Variants in TMEM102 observed in about 807,000 individuals in gnomAD.
The protein encoded by TMEM102 is DANGER family member 2B.
TMEM102 carries 28 observed loss-of-function variants against 26.8 expected under a neutral mutation model. That is an observed-to-expected ratio of 1.05 (90% confidence interval 0.77 to 1.43). TMEM102 has a LOEUF of 1.43. Among genes scored for constraint, TMEM102 ranks in the 40% most tolerant of loss-of-function variants. The pLI, the probability that TMEM102 is intolerant of heterozygous loss-of-function variation, is 0.00. For missense variants in TMEM102, 677 were observed against 705.6 expected, an observed-to-expected ratio of 0.96 and a Z score of 0.46; for synonymous variants, 306 against 332.1, an observed-to-expected ratio of 0.92 and a Z score of 0.86.
Position 7,436,728 on chromosome 17 carries a change from A to G in TMEM102, c.749A>G (p.Lys250Arg). Residue 250 changes from lysine (K) to arginine (R), a missense_variant, in exon 3 of 3, where the codon AAG becomes AGG. By Grantham distance (26) the Lys-to-Arg change is conservative. Coordinates refer to ENST00000323206, the MANE Select transcript of TMEM102 (RefSeq NM_178518.3). ...TKAAVESPVP[K>R]PSEAREAWPT... ...GCAGCCGTCGAAAGCCCAGTCCCAA[A>G]GCCGTCGGAGGCTCGGGAAGCGTGG... 1 of 1,613,840 alleles carries G rather than the reference A, an allele frequency of 6.2e-7. No individual in the cohort carries two copies. The highest frequency in any genetic ancestry group is 8.5e-7 in the Non-Finnish European group (1 of 1,180,030).
In TMEM102 at chr17:7,437,188, G is replaced by C; in HGVS notation, c.1209G>C (p.Ala403=). The change falls in exon 3 of 3, where the codon GCG becomes GCC. Residue 403 remains alanine, a synonymous_variant. Transcript: ENST00000323206. The surrounding 1 kb of genome is among the most constrained non-coding windows in gnomAD (Gnocchi z 4.2). ...CGCTGGTGGCCGGGACCCGGGCGGC[G>C]GCGCCCTACCTCCTGCGGACGCTGC... ...LRPLVAGTRA[A]APYLLRTLLY... 3 of 1,494,722 alleles carry C rather than the reference G, an allele frequency of 2.0e-6. No homozygotes were observed. The highest frequency in any genetic ancestry group is 4.7e-5 in the Admixed American group (2 of 42,140). The allele number at this position is 1,494,722 out of a possible 1,614,324, so 92.6% of individuals were successfully genotyped here.
In TMEM102 at chr17:7,435,956, T is replaced by A. The variant is rs1907995519; in HGVS notation, c.85T>A (p.Cys29Ser). The A allele has an allele frequency of 6.2e-7, 1 of 1,613,066 alleles. No individual in the cohort carries two copies. The highest frequency in any genetic ancestry group is 8.5e-7 in the Non-Finnish European group (1 of 1,179,938). The change falls in exon 2 of 3, where the codon TGC (cysteine) becomes AGC (serine). Residue 29 changes from cysteine to serine, a missense_variant. Cys to Ser is a moderately radical substitution (Grantham distance 112). Coordinates refer to ENST00000323206, the MANE Select transcript of TMEM102 (RefSeq NM_178518.3). ...TCGGCCGCTCACGGACATCGACTTC[T>A]GCTCCGGGGCGCAGCTGCAGGAATT... The part of the protein sequence containing the change: ...PARPLTDIDF[C>S]SGAQLQELTQ...
chr17:7,437,200 C>G lies in TMEM102; in HGVS notation c.1221C>G (p.Leu407=), dbSNP rs1671177734. Residue 407 remains leucine, a synonymous_variant, in exon 3 of 3, where the codon CTC becomes CTG. Coordinates refer to ENST00000323206, the MANE Select transcript of TMEM102 (RefSeq NM_178518.3). This position sits in a 1 kb window ranked among gnomAD's most constrained non-coding sequence, Gnocchi z 4.2. ...GGACCCGGGCGGCGGCGCCCTACCTCCTGCGGACGCTGCTGTACTGGGCGT... is the reference window on the plus strand; with the variant it reads ...GGACCCGGGCGGCGGCGCCCTACCTGCTGCGGACGCTGCTGTACTGGGCGT... ...VAGTRAAAPY[L]LRTLLYWACE... is the part of the protein sequence containing the mutation. 1 of 1,505,162 alleles carries G rather than the reference C, an allele frequency of 6.6e-7. No homozygotes were observed. The highest frequency in any genetic ancestry group is 1.5e-5 in the African/African-American group (1 of 68,484). The allele number at this position is 1,505,162 out of a possible 1,614,324, so 93.2% of individuals were successfully genotyped here.
In TMEM102 at chr17:7,437,268, C is replaced by A. The variant is rs375215322; in HGVS notation, c.1289C>A (p.Ala430Glu). 5.2e-6 allele frequency: 8 copies of A among 1,533,324 alleles called. No homozygotes were observed. Among genetic ancestry groups the A allele is most frequent in the Non-Finnish European group, 7.0e-6 (8 of 1,143,998 alleles). The allele number at this position is 1,533,324 out of a possible 1,614,324, so 95.0% of individuals were successfully genotyped here. ...CTCTACCTGGCGCGGCCAGAAAATG[C>A]GGGCGCCTGCTGCCTCGGGCTGCTA... ...PALYLARPEN[A>E]GACCLGLLDE... The change falls in exon 3 of 3, where the codon GCG (alanine) becomes GAG (glutamate). Residue 430 changes from alanine to glutamate, a missense_variant. Transcript: ENST00000323206. The surrounding 1 kb of genome is among the most constrained non-coding windows in gnomAD (Gnocchi z 4.2).
rs1005457835 is a variant in TMEM102 at position 7,437,616 on chromosome 17, C to G, written c.*110C>G. The G allele has an allele frequency of 8.6e-6, 7 of 817,678 alleles. No homozygotes were observed. Among genetic ancestry groups the G allele is most frequent in the African/African-American group, 1.8e-5 (1 of 55,726 alleles). 50.7% of individuals were successfully genotyped at this position (817,678 alleles called of 1,614,324 possible). On this transcript the variant is annotated 3_prime_UTR_variant, in exon 3 of 3. Transcript: ENST00000323206. This position sits in a 1 kb window ranked among gnomAD's most constrained non-coding sequence, Gnocchi z 4.2. ...CTGTGTGCCCTGGGCCTGAAGCCCCCCTTCTGGAAGACCTCCCTGTTGGTT... is the reference window on the plus strand; with the variant it reads ...CTGTGTGCCCTGGGCCTGAAGCCCCGCTTCTGGAAGACCTCCCTGTTGGTT...
In TMEM102 at chr17:7,436,096, C is replaced by CT. The variant is rs1189638405; in HGVS notation, c.214+12dup. 1 of 1,611,560 alleles carries CT rather than the reference C, an allele frequency of 6.2e-7. No homozygotes were observed. Among genetic ancestry groups the CT allele is most frequent in the Non-Finnish European group, 8.5e-7 (1 of 1,178,286 alleles). On this transcript the variant is annotated intron_variant, in intron 2 of 2. Transcript: ENST00000323206. ...TCTTCTCTTTGCTTGGTAAGTAACC[C>CT]TACTTGCCTTTGGGAACTCACAGCT...
In TMEM102 at chr17:7,436,018, CT is replaced by C; in HGVS notation, c.148del (p.Trp50GlyfsTer24). On this transcript the variant is annotated frameshift_variant, in exon 2 of 3. Transcript: ENST00000323206. LOFTEE classifies it high-confidence loss of function. The part of the protein sequence containing the change: ...LIQELGVQES[W>X]SDGPKPGADL... ...TCCAGGAGCTGGGTGTGCAGGAGAGCTGGAGTGACGGGCCCAAGCCGGGAGC... is the reference window on the plus strand; with the variant it reads ...TCCAGGAGCTGGGTGTGCAGGAGAGCGGAGTGACGGGCCCAAGCCGGGAGC... The C allele has an allele frequency of 6.2e-7, 1 of 1,613,598 alleles. No homozygotes were observed. Among genetic ancestry groups the C allele is most frequent in the Non-Finnish European group, 8.5e-7 (1 of 1,180,038 alleles).
chr17:7,436,855 C>G lies in TMEM102; in HGVS notation c.876C>G (p.His292Gln). ...IPVPGAPRLV[H>Q]AARHAGFTTV... is the part of the protein sequence containing the mutation. ...TCCCGGGTGCTCCGCGTCTGGTGCACGCAGCTCGCCACGCGGGTTTCACCA... is the reference window on the plus strand; with the variant it reads ...TCCCGGGTGCTCCGCGTCTGGTGCAGGCAGCTCGCCACGCGGGTTTCACCA... Residue 292 changes from histidine to glutamine, a missense_variant, in exon 3 of 3, where the codon CAC (histidine) becomes CAG (glutamine). Transcript: ENST00000323206. The G allele has an allele frequency of 6.2e-7, 1 of 1,612,564 alleles. No individual in the cohort carries two copies. The highest frequency in any genetic ancestry group is 1.1e-5 in the South Asian group (1 of 91,078).
At chr17:7,435,733 C>A (rs2150829862) in intron 1 of TMEM102, 37 bp downstream of exon 1, 1 of 726,938 alleles carries the variant, frequency 1.4e-6, no homozygotes, top group East Asian at 2.5e-5. Context: ...AAATTTAGAA[C>A]CCATCATCTA....
In TMEM102 at chr17:7,437,307, G is replaced by T. The variant is rs1034059701; in HGVS notation, c.1328G>T (p.Arg443Leu). 1.9e-6 allele frequency: 3 copies of T among 1,551,674 alleles called. No individual in the cohort carries two copies. Among genetic ancestry groups the T allele is most frequent in the Non-Finnish European group, 2.6e-6 (3 of 1,153,750 alleles). The change falls in exon 3 of 3, where the codon CGA becomes CTA. Residue 443 changes from arginine (R) to leucine (L), a missense_variant. Coordinates refer to ENST00000323206, the MANE Select transcript of TMEM102 (RefSeq NM_178518.3). This position sits in a 1 kb window ranked among gnomAD's most constrained non-coding sequence, Gnocchi z 4.2. Reference sequence around the variant, plus strand: ...CTCGGGCTGCTAGACGAGCTCGGCCGAGTGCTCGAGGCCGGGACGTTGCCT... The same window carrying T: ...CTCGGGCTGCTAGACGAGCTCGGCCTAGTGCTCGAGGCCGGGACGTTGCCT... ...CCLGLLDELGRVLEAGTLPHY... is the reference protein window; with the variant it reads ...CCLGLLDELGLVLEAGTLPHY...
In TMEM102 at chr17:7,436,632, C is replaced by T. The variant is rs1030698221; in HGVS notation, c.653C>T (p.Ser218Leu). The change falls in exon 3 of 3, where the codon TCG becomes TTG. Residue 218 changes from serine (S) to leucine (L), a missense_variant. Physicochemically the swap from Ser to Leu is moderately radical, Grantham distance 145. Transcript: ENST00000323206. Reference protein sequence around the residue: ...KSPSDVSASESPQHDVVDLGS... With the variant: ...KSPSDVSASELPQHDVVDLGS... Reference sequence around the variant, plus strand: ...CCTAGTGACGTTTCAGCGTCCGAGTCGCCTCAGCATGACGTCGTCGACCTT... The same window carrying T: ...CCTAGTGACGTTTCAGCGTCCGAGTTGCCTCAGCATGACGTCGTCGACCTT... 3 of 1,613,926 alleles carry T rather than the reference C, an allele frequency of 1.9e-6. No individual in the cohort carries two copies.
At position 7,436,209 on chromosome 17, in the gene TMEM102, G is replaced by A. The variant is rs1292058196; in HGVS notation, c.230G>A (p.Arg77Gln). Residue 77 changes from arginine (R) to glutamine (Q), a missense_variant, in exon 3 of 3, where the codon CGG becomes CAG. Physicochemically the swap from Arg to Gln is conservative, Grantham distance 43. Coordinates refer to ENST00000323206, the MANE Select transcript of TMEM102 (RefSeq NM_178518.3). Reference protein sequence around the residue: ...VFSLLGLVHRRDPRFPPQAEL... With the variant: ...VFSLLGLVHRQDPRFPPQAEL... Reference sequence around the variant, plus strand: ...CTTTTTTTAGGTCTAGTTCACCGCCGGGACCCTCGCTTTCCTCCCCAGGCA... The same window carrying A: ...CTTTTTTTAGGTCTAGTTCACCGCCAGGACCCTCGCTTTCCTCCCCAGGCA... The A allele has an allele frequency of 5.0e-6, 8 of 1,610,952 alleles. No individual in the cohort carries two copies. Among genetic ancestry groups the A allele is most frequent in the South Asian group, 1.1e-5 (1 of 91,016 alleles).
Position 7,436,081 on chromosome 17 carries a change from G to A in TMEM102, c.210G>A (p.Leu70=), listed in dbSNP as rs1258027875. 2.5e-6 allele frequency: 4 copies of A among 1,613,456 alleles called. No individual in the cohort carries two copies. The highest frequency in any genetic ancestry group is 3.4e-6 in the Non-Finnish European group (4 of 1,179,892). The change falls in exon 2 of 3, where the codon TTG becomes TTA. Residue 70 remains leucine (L), a synonymous_variant. Coordinates refer to ENST00000323206, the MANE Select transcript of TMEM102 (RefSeq NM_178518.3). ...GGGCCAAGGACTTTGTCTTCTCTTT[G>A]CTTGGTAAGTAACCCTACTTGCCTT... ...LLRAKDFVFS[L]LGLVHRRDPR... is the part of the protein sequence containing the mutation.
chr17:7,437,331 C>T lies in TMEM102; in HGVS notation c.1352C>T (p.Pro451Leu). 1.3e-6 allele frequency: 2 copies of T among 1,568,838 alleles called. No individual in the cohort carries two copies. Among genetic ancestry groups the T allele is most frequent in the Non-Finnish European group, 8.6e-7 (1 of 1,159,796 alleles). ...CGAGTGCTCGAGGCCGGGACGTTGC[C>T]TCACTATTTTCTGAACGGCCGACAG... ...LGRVLEAGTL[P>L]HYFLNGRQLR... Residue 451 changes from proline (P) to leucine (L), a missense_variant, in exon 3 of 3, where the codon CCT (proline) becomes CTT (leucine). Pro to Leu is a moderately conservative substitution (Grantham distance 98). Transcript: ENST00000323206. This position sits in a 1 kb window ranked among gnomAD's most constrained non-coding sequence, Gnocchi z 4.2.
Position 7,437,171 on chromosome 17 carries a change from G to A in TMEM102, c.1192G>A (p.Ala398Thr), listed in dbSNP as rs1567672277. The A allele has an allele frequency of 6.7e-7, 1 of 1,487,014 alleles. No individual in the cohort carries two copies. The highest frequency in any genetic ancestry group is 8.9e-7 in the Non-Finnish European group (1 of 1,127,624). 92.1% of individuals were successfully genotyped at this position (1,487,014 alleles called of 1,614,324 possible). A position where few individuals can be genotyped will look rare whatever the true frequency, so the allele number is the denominator to read the frequency against. Residue 398 changes from alanine to threonine, a missense_variant, in exon 3 of 3, where the codon GCC becomes ACC. Transcript: ENST00000323206. The surrounding 1 kb of genome is among the most constrained non-coding windows in gnomAD (Gnocchi z 4.2). Reference protein sequence around the residue: ...AAQALLRPLVAGTRAAAPYLL... With the variant: ...AAQALLRPLVTGTRAAAPYLL... ...CCAGGCGCTACTGCGCCCGCTGGTG[G>A]CCGGGACCCGGGCGGCGGCGCCCTA...
chr17:7,436,178 C>T lies in TMEM102; in HGVS notation c.215-16C>T. The T allele has an allele frequency of 6.3e-7, 1 of 1,579,734 alleles. No homozygotes were observed. The highest frequency in any genetic ancestry group is 8.7e-7 in the Non-Finnish European group (1 of 1,152,006). On this transcript the variant is annotated splice_polypyrimidine_tract_variant and intron_variant, in intron 2 of 2. Coordinates refer to ENST00000323206, the MANE Select transcript of TMEM102 (RefSeq NM_178518.3). ...GGCTTTGGGCGACGCCCTCACGATC[C>T]GTTCCCTTTTTTTAGGTCTAGTTCA...
At position 7,436,506 on chromosome 17, in the gene TMEM102, G is replaced by A. The variant is rs770049405; in HGVS notation, c.527G>A (p.Arg176Gln). 1.7e-5 allele frequency: 27 copies of A among 1,613,760 alleles called. No homozygotes were observed. The highest frequency in any genetic ancestry group is 2.1e-5 in the Non-Finnish European group (25 of 1,180,028). ...CCAGGAGCACGTGATTCGATCCACC[G>A]AACGGAGAGCGAAGAAAGTTCCAAG... The part of the protein sequence containing the change: ...PVPGARDSIH[R>Q]TESEESSKDW... Residue 176 changes from arginine to glutamine, a missense_variant, in exon 3 of 3, where the codon CGA becomes CAA. Physicochemically the swap from Arg to Gln is conservative, Grantham distance 43. Coordinates refer to ENST00000323206, the MANE Select transcript of TMEM102 (RefSeq NM_178518.3).
Position 7,437,059 on chromosome 17 carries a change from C to G in TMEM102, c.1080C>G (p.Ala360=), listed in dbSNP as rs1203825525. 1 of 1,556,730 alleles carries G rather than the reference C, an allele frequency of 6.4e-7. No individual in the cohort carries two copies. The highest frequency in any genetic ancestry group is 1.4e-5 in the African/African-American group (1 of 73,680). The change falls in exon 3 of 3, where the codon GCC becomes GCG. Residue 360 remains alanine (A), a synonymous_variant. Coordinates refer to ENST00000323206, the MANE Select transcript of TMEM102 (RefSeq NM_178518.3). The surrounding 1 kb of genome is among the most constrained non-coding windows in gnomAD (Gnocchi z 4.2). ...VPGGGTERPC[A]SAWQLCFARQ... ...GTGGCGGCACCGAGCGGCCGTGCGC[C>G]TCCGCCTGGCAGCTCTGTTTTGCCC...
chr17:7,437,315 G>T lies in TMEM102; in HGVS notation c.1336G>T (p.Glu446Ter), dbSNP rs753241428. ...GLLDELGRVL[E>*]AGTLPHYFLN... The stretch of plus-strand genomic sequence containing the variant: ...GCTAGACGAGCTCGGCCGAGTGCTC[G>T]AGGCCGGGACGTTGCCTCACTATTT... Residue 446 changes from glutamate (E) to a stop codon, truncating the protein, a stop_gained, in exon 3 of 3, where the codon GAG becomes TAG. Transcript: ENST00000323206. LOFTEE classifies it high-confidence loss of function. This position sits in a 1 kb window ranked among gnomAD's most constrained non-coding sequence, Gnocchi z 4.2. The T allele has an allele frequency of 7.7e-6, 12 of 1,557,756 alleles. No homozygotes were observed. In the South Asian group the frequency reaches 1.2e-4, roughly 15 times the overall value.
Sources: gnomAD v4.1 joint callset for allele counts on GRCh38, gnomAD v4.1.1 for gene constraint, Gnocchi (gnomAD v3.1) non-coding constraint, MANE v1.5 for transcripts, NCBI Gene and HGNC (gene_info 2026-07-23, HGNC 2026-07-21) for gene names.